Variants in CHD6 observed in about 807,000 individuals in gnomAD.
CHD6 encodes the protein ATP-dependent chromatin remodeler CHD6.
A neutral mutation model predicts 276.9 loss-of-function variants in CHD6; 50 were observed. The ratio of observed to expected loss-of-function variants is 0.18; its 90% CI spans 0.14 to 0.23. CHD6 has a LOEUF of 0.23. CHD6 is among the 10% of genes least tolerant of loss of function. CHD6 has a pLI of 1.00. For synonymous variants in CHD6, 1,173 were observed against 1,229.3 expected (o/e 0.95, Z 0.96); for missense variants, 2,564 against 3,365.8 (o/e 0.76, Z 5.89).
chr20:41,440,760 T>G (rs1236012640), intron 25 of CHD6, among the ~76,000 whole-genome samples: 2 of 152,216 alleles, frequency 1.3e-5, no homozygotes, highest in Non-Finnish European at 2.9e-5. Flanking sequence ...TGATTTTGTT[T>G]GATAAAGTCC....
At chr20:41,433,780 A>G (rs777790083) in intron 27 of CHD6, among the ~76,000 whole-genome samples, 1 of 152,206 alleles carries the variant, frequency 6.6e-6, no homozygotes, top group Non-Finnish European at 1.5e-5. Flanking sequence ...ATTACCTGAT[A>G]AGAAATGGTT....
At chr20:41,424,537 T>C (rs1366166942) in intron 29 of CHD6, among the ~76,000 whole-genome samples, 3 of 152,224 alleles carry the variant, frequency 2.0e-5, no homozygotes, top group Non-Finnish European at 4.4e-5. Flanking sequence ...TCGAATTTCA[T>C]AAGTCAGGAG....
intron 25 of CHD6, among the ~76,000 whole-genome samples, chr20:41,443,298 TG>T (rs1448675175): frequency 6.6e-6 from 1 of 152,210 alleles, no homozygotes; most frequent in Non-Finnish European, 1.5e-5. Context: ...AGAGATCAAC[TG>T]ATTAATCCCA....
chr20:41,489,938 C>T lies in CHD6; in HGVS notation c.1520G>A (p.Gly507Glu). 1 of 1,614,032 alleles carries T rather than the reference C, an allele frequency of 6.2e-7. No homozygotes were observed. Among genetic ancestry groups the T allele is most frequent in the Non-Finnish European group, 8.5e-7 (1 of 1,179,948 alleles). ...GATAATGAGAAAAGGGCCGTGGATT[C>T]CTCTCAGAAATATTTCTGAAAGGAA... is the stretch of plus-strand genomic sequence containing the variant. ...ITFLSEIFLR[G>E]IHGPFLIIAP... Residue 507 changes from glycine to glutamate, a missense_variant, in exon 12 of 37, where the codon GGA becomes GAA. Coordinates refer to ENST00000373233, the MANE Select transcript of CHD6 (RefSeq NM_032221.5).
Position 41,533,114 on chromosome 20 carries a change from T to C in CHD6, c.490A>G (p.Lys164Glu). The C allele has an allele frequency of 6.2e-7, 1 of 1,613,976 alleles. No homozygotes were observed. Among genetic ancestry groups the C allele is most frequent in the Non-Finnish European group, 8.5e-7 (1 of 1,179,956 alleles). ...CAGCTCCTCTTCTCTTTGGCCTCCT[T>C]GGTGCCCGAGGCCTCCCGGGGCTTC... The part of the protein sequence containing the change: ...ARKPREASGT[K>E]EAKEKRSCTD... Residue 164 changes from lysine to glutamate, a missense_variant, in exon 3 of 37, where the codon AAG (lysine) becomes GAG (glutamate). This residue lies in a region of CHD6 where 286 missense variants were observed against 297.8 expected (regional missense o/e 0.96). Transcript: ENST00000373233.
intron 27 of CHD6, among the ~76,000 whole-genome samples, chr20:41,429,800 C>T (rs1437968386): frequency 1.3e-5 from 2 of 152,092 alleles, no homozygotes; most frequent in Non-Finnish European, 2.9e-5. Flanking sequence ...TGGCATGTTC[C>T]TCTTGTTTTC....
chr20:41,464,030 G>C (rs943116988), intron 17 of CHD6, among the ~76,000 whole-genome samples: 3 of 152,192 alleles, frequency 2.0e-5, no homozygotes, highest in Non-Finnish European at 1.5e-5. Flanking sequence ...ACAAAGGAGA[G>C]AGTGAGAAAG....
intron 7 of CHD6, 191 bp from the exon 8 acceptor site, chr20:41,497,692 A>G: frequency 1.7e-6 from 1 of 582,330 alleles, no homozygotes; most frequent in Non-Finnish European, 3.1e-6. Context: ...AAACGGAGTA[A>G]TTCCAAGCAA....
At position 41,560,035 on chromosome 20, in the gene CHD6, T is replaced by G. The variant is rs963322419; in HGVS notation, c.-23-8675A>C. Among the ~76,000 whole-genome samples, 6 of 152,218 alleles carry G rather than the reference T, an allele frequency of 3.9e-5. No homozygotes were observed. In the East Asian group the frequency reaches 7.7e-4, roughly 20 times the overall value. On this transcript the variant is annotated intron_variant, in intron 1 of 36. Coordinates refer to ENST00000373233, the MANE Select transcript of CHD6 (RefSeq NM_032221.5). ...TCCTTTAATTCCAGAATCCCTTGGT[T>G]CCTCTCCAGTCGACTCCGGTTTATT...
At chr20:41,596,492 T>C (rs1021945408) in intron 1 of CHD6, among the ~76,000 whole-genome samples, 4 of 152,022 alleles carry the variant, frequency 2.6e-5, no homozygotes, top group Non-Finnish European at 5.9e-5. Context: ...GCTGCTATGA[T>C]AGTCTGGGAG....
chr20:41,510,447 C>A (rs1601043734), intron 5 of CHD6, among the ~76,000 whole-genome samples: 1 of 152,204 alleles, frequency 6.6e-6, no homozygotes, highest in Non-Finnish European at 1.5e-5. Flanking sequence ...GGCCTTGGCT[C>A]GGAGGCCAGC....
At chr20:41,600,132 C>A (rs1397496279) in intron 1 of CHD6, among the ~76,000 whole-genome samples, 2 of 152,178 alleles carry the variant, frequency 1.3e-5, no homozygotes, top group Admixed American at 6.5e-5. Flanking sequence ...TCCTTCAATA[C>A]ACTGAAAAGT....
chr20:41,560,965 C>T (rs2045295121), intron 1 of CHD6, among the ~76,000 whole-genome samples: 1 of 152,076 alleles, frequency 6.6e-6, no homozygotes, highest in Admixed American at 6.6e-5. Context: ...GTTATTACTG[C>T]TATTAGATTT....
chr20:41,412,743 G>C lies in CHD6; in HGVS notation c.7132-480C>G, dbSNP rs569112717. 5.3e-5 allele frequency among the ~76,000 whole-genome samples: 8 copies of C among 152,182 alleles called. 1 individual carries two copies. The highest frequency in any genetic ancestry group is 1.9e-4 in the African/African-American group (8 of 41,546). The stretch of plus-strand genomic sequence containing the variant: ...TGGGGTAGATGAGCAAGTGAGAAGA[G>C]AAAAACCAAAAAAGACATCTGTGCT... On this transcript the variant is annotated intron_variant, in intron 35 of 36. Coordinates refer to ENST00000373233, the MANE Select transcript of CHD6 (RefSeq NM_032221.5).
intron 27 of CHD6, among the ~76,000 whole-genome samples, chr20:41,428,414 A>G (rs1351572325): frequency 6.6e-6 from 1 of 152,172 alleles, no homozygotes; most frequent in African/African-American, 2.4e-5. Flanking sequence ...TGCTACCTCA[A>G]TTTCTGCTTA....
intron 5 of CHD6, among the ~76,000 whole-genome samples, chr20:41,502,277 A>G (rs2043848387): frequency 6.6e-6 from 1 of 152,254 alleles, no homozygotes; most frequent in East Asian, 1.9e-4. Flanking sequence ...TAATTTTAAT[A>G]TATTTCACTT....
chr20:41,589,689 C>T (rs1305553566), intron 1 of CHD6, among the ~76,000 whole-genome samples: 3 of 152,112 alleles, frequency 2.0e-5, no homozygotes, highest in Non-Finnish European at 4.4e-5. Context: ...TCAAGGAGAA[C>T]TACAAATCAC....
At chr20:41,467,853 G>A (rs6016562) in intron 17 of CHD6, among the ~76,000 whole-genome samples, 47,250 of 151,206 alleles carry the variant, frequency 0.31, 7,635 homozygotes, top group East Asian at 0.39. Flanking sequence ...AGGCAGCGGC[G>A]TACTCAAAAG....
At chr20:41,463,788 A>G (rs571190292) in intron 17 of CHD6, among the ~76,000 whole-genome samples, 1 of 152,368 alleles carries the variant, frequency 6.6e-6, no homozygotes, top group South Asian at 2.1e-4. Flanking sequence ...ATATGTTGAA[A>G]CAAATGATAA....
Sources: gnomAD v4.1 joint callset for allele counts (sites outside exome capture counted in the v4.1 genomes callset) on GRCh38, gnomAD v4.1.1 for gene constraint, gnomAD v4.1.1 regional missense constraint, MANE v1.5 for transcripts, NCBI Gene and HGNC (gene_info 2026-07-23, HGNC 2026-07-21) for gene names.